The following PPP1R3B variants were observed in gnomAD, a reference collection of about 807,000 sequenced individuals.
PPP1R3B encodes the protein PP1 subunit R4.
Under a neutral mutation model 14.6 loss-of-function variants are expected in PPP1R3B, and 8 were observed. The ratio of observed to expected loss-of-function variants is 0.55; its 90% CI spans 0.32 to 0.99. The LOEUF is 0.99. Ranked by LOEUF, PPP1R3B falls within the 50% of genes least tolerant of loss-of-function variation. The pLI, the probability that PPP1R3B is intolerant of heterozygous loss-of-function variation, is 0.04. For missense variants in PPP1R3B, 452 were observed against 360.1 expected (o/e 1.26, Z -2.07); for synonymous variants, 169 against 142.0 (o/e 1.19, Z -1.35).
At position 9,148,396 on chromosome 8, in the gene PPP1R3B, A is replaced by G. The variant is rs372521096; in HGVS notation, c.-18+2167T>C. Among the ~76,000 whole-genome samples, 9 of 152,292 alleles carry G rather than the reference A, an allele frequency of 5.9e-5. No homozygotes were observed. In the East Asian group the frequency reaches 7.7e-4, roughly 13 times the overall value. On this transcript the variant is annotated intron_variant, in intron 1 of 1. Transcript: ENST00000310455. ...CCAAAGTTGGCCAAGGGGGAAAAAA[A>G]AAGAACCAGAAGTTATGGACATACA...
chr8:9,136,644 C>A lies in PPP1R3B; in HGVS notation c.*4150G>T, dbSNP rs1800899213. The stretch of plus-strand genomic sequence containing the variant: ...TAACAACAGCTGTCCTTCCCAGTTC[C>A]ACATGTGTTGTCTCACTGCAGGAAA... On this transcript the variant is annotated 3_prime_UTR_variant, in exon 2 of 2. Transcript: ENST00000310455. The A allele has an allele frequency of 6.6e-6, 1 of 152,212 alleles. No homozygotes were observed. Among genetic ancestry groups the A allele is most frequent in the Non-Finnish European group, 1.5e-5 (1 of 68,042 alleles). The allele number at this position is 152,212 out of a possible 1,614,324, so 9.4% of individuals were successfully genotyped here.
In PPP1R3B at chr8:9,137,413, G is replaced by A. The variant is rs140876374; in HGVS notation, c.*3381C>T. The A allele has an allele frequency of 2.2e-4, 33 of 152,224 alleles. No homozygotes were observed. Among genetic ancestry groups the A allele is most frequent in the African/African-American group, 6.5e-4 (27 of 41,522 alleles). The allele number at this position is 152,224 out of a possible 1,614,324, so 9.4% of individuals were successfully genotyped here. The stretch of plus-strand genomic sequence containing the variant: ...CAACCTGGGAAAGATTCTGGGACTC[G>A]GGGGCCACTTGTAACCATAACCAAG... On this transcript the variant is annotated 3_prime_UTR_variant, in exon 2 of 2. Transcript: ENST00000310455.
chr8:9,143,239 T>A (rs919671259), intron 1 of PPP1R3B, among the ~76,000 whole-genome samples: 3 of 152,208 alleles, frequency 2.0e-5, no homozygotes, highest in African/African-American at 7.2e-5. Context: ...TGGCTTTATA[T>A]TTGCTATAAT....
At chr8:9,143,503 A>G (rs1801151771) in intron 1 of PPP1R3B, among the ~76,000 whole-genome samples, 1 of 152,178 alleles carries the variant, frequency 6.6e-6, no homozygotes. Context: ...GGAGTTTGAG[A>G]CCAGCCTGAC....
chr8:9,142,935 A>G lies in PPP1R3B; in HGVS notation c.-17-1267T>C, dbSNP rs1801131320. 1.3e-5 allele frequency among the ~76,000 whole-genome samples: 2 copies of G among 152,206 alleles called. 1 individual carries two copies. The highest frequency in any genetic ancestry group is 4.1e-4 in the South Asian group (2 of 4,830). ...TGATGGGCACTTAGGTTGATTCCGTATCTTGGCTTAGTGAATAACGCTGCA... is the reference window on the plus strand; with the variant it reads ...TGATGGGCACTTAGGTTGATTCCGTGTCTTGGCTTAGTGAATAACGCTGCA... On this transcript the variant is annotated intron_variant, in intron 1 of 1. Coordinates refer to ENST00000310455, the MANE Select transcript of PPP1R3B (RefSeq NM_024607.4).
intron 1 of PPP1R3B, among the ~76,000 whole-genome samples, chr8:9,149,306 C>A (rs935172110): frequency 2.6e-5 from 4 of 151,426 alleles, no homozygotes; most frequent in African/African-American, 9.7e-5. Flanking sequence ...CGACACCATC[C>A]TGGCTAACAC....
intron 1 of PPP1R3B, among the ~76,000 whole-genome samples, chr8:9,144,652 A>T (rs1278834442): frequency 2.0e-5 from 3 of 152,260 alleles, no homozygotes; most frequent in African/African-American, 4.8e-5. Flanking sequence ...TATAGGGGGA[A>T]AAAGATGACA....
At chr8:9,149,175 A>G (rs994777020) in intron 1 of PPP1R3B, among the ~76,000 whole-genome samples, 2 of 128,868 alleles carry the variant, frequency 1.6e-5, no homozygotes, top group Admixed American at 8.2e-5. Context: ...CCTGGGCGAC[A>G]GAGCGAAACT....
intron 1 of PPP1R3B, among the ~76,000 whole-genome samples, chr8:9,145,670 G>A (rs184376440): frequency 1.3e-5 from 2 of 152,114 alleles, no homozygotes; most frequent in East Asian, 3.9e-4. Context: ...TGTAAATGCA[G>A]AGAAAAAAGA....
rs926817004 is a variant in PPP1R3B, at chr8:9,136,578, G to C, written c.*4216C>G. The C allele has an allele frequency of 1.3e-5, 2 of 152,158 alleles. No homozygotes were observed. Among genetic ancestry groups the C allele is most frequent in the African/African-American group, 4.8e-5 (2 of 41,420 alleles). 9.4% of individuals were successfully genotyped at this position (152,158 alleles called of 1,614,324 possible). On this transcript the variant is annotated 3_prime_UTR_variant, in exon 2 of 2. Transcript: ENST00000310455. ...AAAACATTCACGGCTTTACAATGTGGGTTACAGAGCTTTACAACCATGACC... is the reference window on the plus strand; with the variant it reads ...AAAACATTCACGGCTTTACAATGTGCGTTACAGAGCTTTACAACCATGACC...
rs777632527 is a variant in PPP1R3B at position 9,138,263 on chromosome 8, G to A, written c.*2531C>T. 14 of 152,188 alleles carry A rather than the reference G, an allele frequency of 9.2e-5. No individual in the cohort carries two copies. Among genetic ancestry groups the A allele is most frequent in the South Asian group, 4.1e-4 (2 of 4,834 alleles). The allele number at this position is 152,188 out of a possible 1,614,324, so 9.4% of individuals were successfully genotyped here. A position where few individuals can be genotyped will look rare whatever the true frequency, so the allele number is the denominator to read the frequency against. On this transcript the variant is annotated 3_prime_UTR_variant, in exon 2 of 2. Transcript: ENST00000310455. ...CTGTCTGTTACCCGATGTCTGGTAT[G>A]TTTACATAAAACGTGGTTCTGCCCA...
In PPP1R3B at chr8:9,141,047, A is replaced by T; in HGVS notation, c.605T>A (p.Ile202Asn). 6.2e-7 allele frequency: 1 copy of T among 1,614,114 alleles called. No individual in the cohort carries two copies. The highest frequency in any genetic ancestry group is 2.2e-5 in the East Asian group (1 of 44,868). ...AAACTCCATTCTTTCATAAGACTGA[A>T]TCTTCTCGGGCAAGCTGATGTCGAA... ...FSFDISLPEK[I>N]QSYERMEFAV... Residue 202 changes from isoleucine (I) to asparagine (N), a missense_variant, in exon 2 of 2, where the codon ATT becomes AAT. Coordinates refer to ENST00000310455, the MANE Select transcript of PPP1R3B (RefSeq NM_024607.4).
rs1800945858 is a variant in PPP1R3B at position 9,137,975 on chromosome 8, G to A, written c.*2819C>T. 1 of 152,144 alleles carries A rather than the reference G, an allele frequency of 6.6e-6. No homozygotes were observed. Among genetic ancestry groups the A allele is most frequent in the African/African-American group, 2.4e-5 (1 of 41,420 alleles). The allele number at this position is 152,144 out of a possible 1,614,324, so 9.4% of individuals were successfully genotyped here. On this transcript the variant is annotated 3_prime_UTR_variant, in exon 2 of 2. Transcript: ENST00000310455. The stretch of plus-strand genomic sequence containing the variant: ...TACCATATTTCAAATTTTGACATGG[G>A]AATGTCTTAAGATCATTATTAGATA...
intron 1 of PPP1R3B, among the ~76,000 whole-genome samples, chr8:9,144,762 T>C (rs1051258442): frequency 6.6e-6 from 1 of 152,236 alleles, no homozygotes; most frequent in Non-Finnish European, 1.5e-5. Flanking sequence ...TTTCCTTTTT[T>C]GAGACAGAGT....
chr8:9,144,404 G>C (rs1010678855), intron 1 of PPP1R3B, among the ~76,000 whole-genome samples: 4 of 151,672 alleles, frequency 2.6e-5, no homozygotes, highest in African/African-American at 9.7e-5. Context: ...ATGTTGCTCA[G>C]ACCAGTCTTG....
chr8:9,142,417 T>C (rs908130396), intron 1 of PPP1R3B: 2 of 152,170 alleles, frequency 1.3e-5, no homozygotes, highest in African/African-American at 2.4e-5. Flanking sequence ...GAAGTAAAAA[T>C]TGTATATTCT....
intron 1 of PPP1R3B, among the ~76,000 whole-genome samples, chr8:9,149,667 C>CT (rs1801356728): frequency 6.6e-6 from 1 of 152,198 alleles, no homozygotes; most frequent in African/African-American, 2.4e-5. Flanking sequence ...ATTCTGTGTT[C>CT]CCTTCCAAAA....
chr8:9,141,153 CGAACGT>C lies in PPP1R3B; in HGVS notation c.493_498del (p.Thr165_Phe166del). ...AAGTCTGTGTAGCTCTTCCAGGTGTCGAACGTCATCCTTATTTTCACGGTCTTCTCA... is the reference window on the plus strand; with the variant it reads ...AAGTCTGTGTAGCTCTTCCAGGTGTCCATCCTTATTTTCACGGTCTTCTCA... On this transcript the variant is annotated inframe_deletion, in exon 2 of 2. Transcript: ENST00000310455. 1 of 1,614,170 alleles carries C rather than the reference CGAACGT, an allele frequency of 6.2e-7. No individual in the cohort carries two copies. Among genetic ancestry groups the C allele is most frequent in the Non-Finnish European group, 8.5e-7 (1 of 1,180,042 alleles).
rs1406345637 is a variant in PPP1R3B at position 9,136,531 on chromosome 8, T to G, written c.*4263A>C. ...AAGCCCTCAGAGGTCCAGCAGTCTC[T>G]AAAAACTCGTCAACAAGACTAAAAA... On this transcript the variant is annotated 3_prime_UTR_variant, in exon 2 of 2. Coordinates refer to ENST00000310455, the MANE Select transcript of PPP1R3B (RefSeq NM_024607.4). 2.0e-5 allele frequency: 3 copies of G among 152,230 alleles called. No individual in the cohort carries two copies. Among genetic ancestry groups the G allele is most frequent in the Non-Finnish European group, 2.9e-5 (2 of 68,052 alleles). The allele number at this position is 152,230 out of a possible 1,614,324, so 9.4% of individuals were successfully genotyped here. A position where few individuals can be genotyped will look rare whatever the true frequency, so the allele number is the denominator to read the frequency against.
Sources: allele counts gnomAD v4.1 joint callset (sites outside exome capture counted in the v4.1 genomes callset), GRCh38; gene constraint gnomAD v4.1.1; transcripts MANE v1.5; gene names NCBI Gene and HGNC (gene_info 2026-07-23, HGNC 2026-07-21).